Variants in TRPM3 observed in about 807,000 individuals in gnomAD.
The protein encoded by TRPM3 is transient receptor potential cation channel subfamily M member 3.
A neutral mutation model predicts 181.2 loss-of-function variants in TRPM3; 77 were observed. The ratio of observed to expected loss-of-function variants is 0.42; its 90% CI spans 0.35 to 0.51. The LOEUF (loss-of-function observed/expected upper bound fraction) is 0.51. TRPM3 is among the 20% of genes least tolerant of loss of function. TRPM3 has a pLI of 0.01. For missense variants in TRPM3, 1,759 were observed against 2,196.7 expected, an observed-to-expected ratio of 0.80 and a Z score of 3.98; for synonymous variants, 745 against 796.4, an observed-to-expected ratio of 0.94 and a Z score of 1.09.
chr9:71,155,232 T>C (rs2075928908), intron 1 of TRPM3, among the ~76,000 whole-genome samples: 1 of 152,150 alleles, frequency 6.6e-6, no homozygotes, highest in South Asian at 2.1e-4. Flanking sequence ...ACAAATAAAC[T>C]GAACAAAAGT....
At chr9:70,940,274 T>G (rs1310874102) in intron 1 of TRPM3, among the ~76,000 whole-genome samples, 1 of 152,242 alleles carries the variant, frequency 6.6e-6, no homozygotes, top group African/African-American at 2.4e-5. Context: ...GTAAAACATT[T>G]TTCCCCAATT....
At chr9:70,746,961 A>G (rs1288504330) in intron 8 of TRPM3, among the ~76,000 whole-genome samples, 2 of 152,190 alleles carry the variant, frequency 1.3e-5, no homozygotes, top group African/African-American at 4.8e-5. Context: ...AACCAAATTT[A>G]TGACTCCCTA....
chr9:71,044,617 C>T (rs2133034642), intron 1 of TRPM3, among the ~76,000 whole-genome samples: 1 of 152,334 alleles, frequency 6.6e-6, no homozygotes, highest in East Asian at 1.9e-4. Flanking sequence ...ACTTCATTAG[C>T]TTGACATTTA....
intron 7 of TRPM3, among the ~76,000 whole-genome samples, chr9:70,783,611 T>C (rs982375337): frequency 9.9e-5 from 15 of 152,124 alleles, no homozygotes; most frequent in African/African-American, 3.6e-4. Context: ...GATTTGACTT[T>C]CCCAGCCCGT....
intron 1 of TRPM3, among the ~76,000 whole-genome samples, chr9:71,084,807 G>A (rs2065002474): frequency 6.6e-6 from 1 of 151,740 alleles, no homozygotes; most frequent in African/African-American, 2.4e-5. Context: ...CCAGAAAAGA[G>A]CCTGAACAGT....
At chr9:70,745,053 A>T (rs947723988) in intron 8 of TRPM3, among the ~76,000 whole-genome samples, 7 of 152,186 alleles carry the variant, frequency 4.6e-5, no homozygotes, top group Non-Finnish European at 8.8e-5. Context: ...TAACATGAAA[A>T]TGATCTGTGC....
chr9:71,380,957 C>CA (rs2092786266), intron 1 of TRPM3, among the ~76,000 whole-genome samples: 1 of 151,502 alleles, frequency 6.6e-6, no homozygotes, highest in Admixed American at 6.6e-5. Flanking sequence ...AAGACGACGA[C>CA]AAAATGAAGA....
At chr9:71,414,391 A>G (rs1007194205) in intron 1 of TRPM3, among the ~76,000 whole-genome samples, 1 of 152,102 alleles carries the variant, frequency 6.6e-6, no homozygotes, top group Non-Finnish European at 1.5e-5. Flanking sequence ...TTAAGAGCTT[A>G]TTCATTGATT....
At chr9:71,304,539 A>G (rs1272840267) in intron 1 of TRPM3, among the ~76,000 whole-genome samples, 1 of 152,218 alleles carries the variant, frequency 6.6e-6, no homozygotes, top group African/African-American at 2.4e-5. Flanking sequence ...TGTAAGGGTA[A>G]TCCTTTACTT....
Position 71,121,547 on chromosome 9 carries a change from T to C in TRPM3, c.-193A>G. 1 of 1,384,978 alleles carries C rather than the reference T, an allele frequency of 7.2e-7. No individual in the cohort carries two copies. The highest frequency in any genetic ancestry group is 9.3e-7 in the Non-Finnish European group (1 of 1,072,272). 85.8% of individuals were successfully genotyped at this position (1,384,978 alleles called of 1,614,324 possible). A position where few individuals can be genotyped will look rare whatever the true frequency, so the allele number is the denominator to read the frequency against. ...ACTGCCTGCTGCTTCGGGGAGGGGATGCACGATTTTGAAGAAGAGGGACAG... is the reference window on the plus strand; with the variant it reads ...ACTGCCTGCTGCTTCGGGGAGGGGACGCACGATTTTGAAGAAGAGGGACAG... On this transcript the variant is annotated 5_prime_UTR_variant, in exon 1 of 26. Transcript: ENST00000677713.
chr9:70,761,176 G>A, intron 8 of TRPM3: 1 of 492,628 alleles, frequency 2.0e-6, no homozygotes, highest in Non-Finnish European at 3.6e-6. Context: ...TTTTCTACCT[G>A]TACAGATTAG....
chr9:70,847,771 A>G (rs922501753), intron 3 of TRPM3, among the ~76,000 whole-genome samples: 6 of 152,168 alleles, frequency 3.9e-5, no homozygotes, highest in African/African-American at 1.4e-4. Context: ...TTTGAACACA[A>G]TCAGGCCCCC....
chr9:71,238,735 G>A (rs2081502677), intron 1 of TRPM3, among the ~76,000 whole-genome samples: 1 of 152,090 alleles, frequency 6.6e-6, no homozygotes, highest in Admixed American at 6.6e-5. Context: ...GAAAACTTAT[G>A]AATACATTTA....
intron 14 of TRPM3, among the ~76,000 whole-genome samples, chr9:70,622,852 T>C (rs1004161474): frequency 3.7e-4 from 57 of 152,190 alleles, no homozygotes; most frequent in African/African-American, 1.3e-3. Flanking sequence ...TCTCTCTCTC[T>C]CATTTTTCTC....
intron 25 of TRPM3, among the ~76,000 whole-genome samples, chr9:70,544,190 T>A (rs4744601): frequency 0.49 from 73,858 of 152,038 alleles, 18,514 homozygotes; most frequent in East Asian, 0.82. Context: ...TGGAGATAGA[T>A]AAAAGCTTTT....
intron 1 of TRPM3, among the ~76,000 whole-genome samples, chr9:71,166,268 C>G (rs1290240387): frequency 6.6e-6 from 1 of 152,068 alleles, no homozygotes; most frequent in African/African-American, 2.4e-5. Context: ...CCTCTTTCCC[C>G]AAATATAAAG....
At chr9:70,820,909 C>T (rs928507434) in intron 6 of TRPM3, among the ~76,000 whole-genome samples, 2 of 152,064 alleles carry the variant, frequency 1.3e-5, no homozygotes, top group African/African-American at 4.8e-5. Flanking sequence ...TCCTCTTCTC[C>T]CAAAAGTTAT....
At position 70,910,995 on chromosome 9, in the gene TRPM3, C is replaced by A. The variant is rs529430723; in HGVS notation, c.178-46484G>T. ...CAAAGTGTGTATCAGAAATAGTAGT[C>A]TTATGGGATGTTATTCAGGTTTACT... On this transcript the variant is annotated intron_variant, in intron 1 of 25. Coordinates refer to ENST00000677713, the MANE Select transcript of TRPM3 (RefSeq NM_001366145.2). Among the ~76,000 whole-genome samples, 7 of 152,228 alleles carry A rather than the reference C, an allele frequency of 4.6e-5. No homozygotes were observed. In the South Asian group the frequency reaches 1.5e-3, roughly 32 times the overall value.
At chr9:71,397,092 T>G (rs187346398) in intron 1 of TRPM3, among the ~76,000 whole-genome samples, 1 of 152,142 alleles carries the variant, frequency 6.6e-6, no homozygotes, top group Non-Finnish European at 1.5e-5. Flanking sequence ...GCAACATTAA[T>G]GTAGTACGAT....
Sources: allele counts gnomAD v4.1 joint callset (sites outside exome capture counted in the v4.1 genomes callset), GRCh38; gene constraint gnomAD v4.1.1; transcripts MANE v1.5; gene names NCBI Gene and HGNC (gene_info 2026-07-23, HGNC 2026-07-21).